Variants in ATP8A2 observed in about 807,000 individuals in gnomAD.
ATP8A2 encodes phospholipid-transporting ATPase IB.
ATP8A2 carries 100 observed loss-of-function variants against 165.6 expected under a neutral mutation model. The observed-to-expected ratio is 0.60, with a 90% CI of 0.51 to 0.71. The LOEUF (loss-of-function observed/expected upper bound fraction) is 0.71. Ranked by LOEUF, ATP8A2 falls within the 30% of genes least tolerant of loss-of-function variation. The probability of loss-of-function intolerance (pLI) is 0.00; values close to 1 mark genes in which losing one functional copy is unlikely to be tolerated. For missense variants in ATP8A2, 1,227 were observed against 1,479.5 expected, an observed-to-expected ratio of 0.83 and a Z score of 2.80; for synonymous variants, 543 against 548.8, an observed-to-expected ratio of 0.99 and a Z score of 0.15.
rs1363181579 is a variant in ATP8A2 at position 25,529,052 on chromosome 13, C to T, written c.222-947C>T. 2.0e-5 allele frequency among the ~76,000 whole-genome samples: 3 copies of T among 152,104 alleles called. 1 individual carries two copies. The South Asian group carries it at 6.2e-4, about 32-fold the overall frequency. ...CCATGTGTTCTCATTGTTCAATTCC[C>T]TCCCATGAGTGAGAACATGTGGTGT... On this transcript the variant is annotated intron_variant, in intron 2 of 36. Transcript: ENST00000381655.
intron 3 of ATP8A2, 64 bp from the exon 4 acceptor site, chr13:25,530,498 T>C: frequency 1.1e-6 from 1 of 948,442 alleles, no homozygotes; most frequent in Admixed American, 2.1e-5. Context: ...ACTGCCGTAA[T>C]TTTCTGTTCA....
chr13:25,778,396 T>C (rs2044790812), intron 27 of ATP8A2, among the ~76,000 whole-genome samples: 1 of 152,172 alleles, frequency 6.6e-6, no homozygotes, highest in African/African-American at 2.4e-5. Context: ...GTTTGAGGGA[T>C]TTAAAAACTA....
At chr13:25,964,346 C>T (rs1955727231) in intron 34 of ATP8A2, among the ~76,000 whole-genome samples, 1 of 152,168 alleles carries the variant, frequency 6.6e-6, no homozygotes, top group African/African-American at 2.4e-5. Context: ...AAAAACAAGA[C>T]ATTTTTCAGT....
intron 33 of ATP8A2, among the ~76,000 whole-genome samples, chr13:25,873,544 G>A (rs1353392737): frequency 6.6e-6 from 1 of 151,950 alleles, no homozygotes; most frequent in Admixed American, 6.6e-5. Flanking sequence ...CTAAGATTGT[G>A]GGAACCTCTC....
intron 1 of ATP8A2, among the ~76,000 whole-genome samples, chr13:25,413,278 G>GTTT (rs1195456593): frequency 3.7e-4 from 39 of 105,260 alleles, no homozygotes; most frequent in Non-Finnish European, 5.4e-4. Flanking sequence ...CTTTTTCTTT[G>GTTT]TTTTTTTTTT....
rs113564310 is a variant in ATP8A2 at position 25,742,992 on chromosome 13, G to T, written c.2385-26054G>T. On this transcript the variant is annotated intron_variant, in intron 25 of 36. Coordinates refer to ENST00000381655, the MANE Select transcript of ATP8A2 (RefSeq NM_016529.6). Reference sequence around the variant, plus strand: ...GTATATGGGTGTTATAAGTTGTATTGTGTCCACCCAAAATTCTTATGTCAA... The same window carrying T: ...GTATATGGGTGTTATAAGTTGTATTTTGTCCACCCAAAATTCTTATGTCAA... 5.9e-3 allele frequency among the ~76,000 whole-genome samples: 896 copies of T among 152,162 alleles called. 13 individuals carry two copies. The highest frequency in any genetic ancestry group is 0.021 in the African/African-American group (853 of 41,528).
chr13:25,907,524 C>T (rs1953977924), intron 33 of ATP8A2, among the ~76,000 whole-genome samples: 1 of 152,122 alleles, frequency 6.6e-6, no homozygotes, highest in South Asian at 2.1e-4. Flanking sequence ...TTCATTCATA[C>T]AGTAAAGAGG....
intron 2 of ATP8A2, among the ~76,000 whole-genome samples, chr13:25,480,968 A>G (rs2036174086): frequency 1.3e-5 from 2 of 152,200 alleles, no homozygotes; most frequent in Admixed American, 1.3e-4. Flanking sequence ...AGCCCGGGCA[A>G]CACAGCGAAA....
intron 24 of ATP8A2, among the ~76,000 whole-genome samples, chr13:25,690,480 C>G (rs2042701113): frequency 6.6e-6 from 1 of 151,482 alleles, no homozygotes; most frequent in Non-Finnish European, 1.5e-5. Flanking sequence ...CATGCACACA[C>G]AGTGTGTCCC....
At chr13:25,951,417 A>G (rs1215203748) in intron 33 of ATP8A2, among the ~76,000 whole-genome samples, 3 of 152,256 alleles carry the variant, frequency 2.0e-5, no homozygotes, top group African/African-American at 4.8e-5. Flanking sequence ...TTTCATTCAT[A>G]TGAAGTTTGA....
intron 25 of ATP8A2, among the ~76,000 whole-genome samples, chr13:25,731,761 A>G (rs979228255): frequency 4.6e-5 from 7 of 152,242 alleles, no homozygotes; most frequent in Admixed American, 3.9e-4. Context: ...AATGAAGCAC[A>G]TGAGGTGACG....
intron 2 of ATP8A2, among the ~76,000 whole-genome samples, chr13:25,515,010 T>A (rs917718981): frequency 3.9e-5 from 6 of 152,208 alleles, no homozygotes; most frequent in African/African-American, 1.4e-4. Flanking sequence ...TTAGCATCTG[T>A]ATCAGTAGAG....
chr13:25,372,128 G>T lies in ATP8A2; in HGVS notation c.-85G>T. ...CCGGCGAGGCGCTGGCCCACCCATG[G>T]TCCTCGGGCGGCGGCCCCTGCGCCC... On this transcript the variant is annotated 5_prime_UTR_variant, in exon 1 of 37. Coordinates refer to ENST00000381655, the MANE Select transcript of ATP8A2 (RefSeq NM_016529.6). This position sits in a 1 kb window ranked among gnomAD's most constrained non-coding sequence, Gnocchi z 4.8. The T allele has an allele frequency of 1.0e-6, 1 of 982,226 alleles. No individual in the cohort carries two copies. The allele number at this position is 982,226 out of a possible 1,614,324, so 60.8% of individuals were successfully genotyped here.
rs1374647221 is a variant in ATP8A2, at chr13:25,570,814, C to T, written c.1521C>T (p.Cys507=). 4.3e-6 allele frequency: 7 copies of T among 1,613,610 alleles called. No homozygotes were observed. The highest frequency in any genetic ancestry group is 1.1e-5 in the South Asian group (1 of 91,028). ...IQEFLTLLAV[C]HTVVPEKDGD... is the part of the protein sequence containing the mutation. ...AGTTCCTCACCCTTCTGGCCGTGTGCCACACGGTTGTTCCTGAGAAGGATG... is the reference window on the plus strand; with the variant it reads ...AGTTCCTCACCCTTCTGGCCGTGTGTCACACGGTTGTTCCTGAGAAGGATG... Residue 507 remains cysteine, a synonymous_variant, in exon 17 of 37, where the codon TGC becomes TGT. Transcript: ENST00000381655.
intron 2 of ATP8A2, among the ~76,000 whole-genome samples, chr13:25,527,465 G>T (rs979744584): frequency 3.9e-5 from 6 of 152,090 alleles, no homozygotes; most frequent in African/African-American, 1.4e-4. Context: ...ATTTTGATAG[G>T]TGCTGCCTTT....
At chr13:25,567,494 A>G in intron 16 of ATP8A2, 1 of 430,432 alleles carries the variant, frequency 2.3e-6, no homozygotes. Context: ...CATTGAGAGT[A>G]GGGACAGGTG....
intron 4 of ATP8A2, among the ~76,000 whole-genome samples, chr13:25,531,211 T>A (rs1023595182): frequency 3.6e-5 from 5 of 138,290 alleles, no homozygotes; most frequent in Admixed American, 2.2e-4. Flanking sequence ...ATGATATATG[T>A]TATATATGAT....
At chr13:25,787,350 A>G (rs569193869) in intron 27 of ATP8A2, among the ~76,000 whole-genome samples, 23 of 152,296 alleles carry the variant, frequency 1.5e-4, no homozygotes, top group African/African-American at 5.3e-4. Context: ...CTTCTACTCA[A>G]TATAATGCAT....
chr13:25,623,969 T>G (rs923071946), intron 24 of ATP8A2, among the ~76,000 whole-genome samples: 8 of 152,228 alleles, frequency 5.3e-5, no homozygotes, highest in Admixed American at 2.0e-4. Context: ...ATATTGTGTG[T>G]GTGTGTGTGA....
Sources: gnomAD v4.1 joint callset for allele counts (sites outside exome capture counted in the v4.1 genomes callset) on GRCh38, gnomAD v4.1.1 for gene constraint, Gnocchi (gnomAD v3.1) non-coding constraint, MANE v1.5 for transcripts, NCBI Gene and HGNC (gene_info 2026-07-23, HGNC 2026-07-21) for gene names.